CDK20: variants seen among roughly 807,000 people sequenced by gnomAD.
CDK20 encodes cyclin-dependent kinase 20.
In CDK20, 40 loss-of-function variants were observed where a neutral mutation model predicts 38.6. The observed-to-expected ratio is 1.04, with a 90% CI of 0.81 to 1.35. CDK20 has a LOEUF of 1.35. Among genes scored for constraint, CDK20 ranks in the 40% most tolerant of loss-of-function variants. The pLI is 0.00. For synonymous variants in CDK20, 209 were observed against 185.7 expected, an observed-to-expected ratio of 1.13 and a Z score of -1.02; for missense variants, 512 against 452.6, an observed-to-expected ratio of 1.13 and a Z score of -1.19.
At chr9:87,968,168 C>T (rs572409697) in intron 7 of CDK20, 13 of 153,526 alleles carry the variant, frequency 8.5e-5, no homozygotes, top group Non-Finnish European at 1.3e-4. Context: ...CCCAAGCATA[C>T]GACATCTGTG....
In CDK20 at chr9:87,970,614, C is replaced by CG; in HGVS notation, c.516dup (p.Glu173ArgfsTer10). 2 of 1,613,988 alleles carry CG rather than the reference C, an allele frequency of 1.2e-6. No homozygotes were observed. Among genetic ancestry groups the CG allele is most frequent in the Non-Finnish European group, 1.7e-6 (2 of 1,179,984 alleles). On this transcript the variant is annotated frameshift_variant, in exon 5 of 8. Transcript: ENST00000325303. LOFTEE classifies it high-confidence loss of function. ...TACTGGCGGGCACCATACAGGAGCT[C>CG]GGGGGCTCGGTACCACCTGCGAGGA... is the stretch of plus-strand genomic sequence containing the variant.
At chr9:87,973,793 G>C in intron 2 of CDK20, 129 bp downstream of exon 2, 1 of 919,952 alleles carries the variant, frequency 1.1e-6, no homozygotes, top group Non-Finnish European at 1.7e-6. Context: ...TGAATGAGCA[G>C]TGTGTGTGAG....
intron 2 of CDK20, among the ~76,000 whole-genome samples, chr9:87,973,700 GTGAA>G (rs1830022458): frequency 3.3e-5 from 5 of 152,194 alleles, no homozygotes; most frequent in Admixed American, 2.0e-4. Flanking sequence ...GCAAATGAGA[GTGAA>G]TGTGTGAGAA....
intron 7 of CDK20, chr9:87,968,876 C>G (rs778057912): frequency 1.9e-5 from 7 of 373,250 alleles, no homozygotes; most frequent in East Asian, 9.8e-5. Context: ...CAGTGACTCT[C>G]TTACTGTATC....
Position 87,969,332 on chromosome 9 carries a change from C to T in CDK20, c.705G>A (p.Pro235=), listed in dbSNP as rs761881944. 5.3e-5 allele frequency: 86 copies of T among 1,613,778 alleles called. No individual in the cohort carries two copies. The highest frequency in any genetic ancestry group is 1.6e-4 in the Middle Eastern group (1 of 6,080). ...PQVWPELTEL[P]DYNKISFKEQ... is the part of the protein sequence containing the mutation. ...CCTTAAAGGAGATCTTGTTGTAGTC[C>T]GGCAGCTCAGTGAGCTCCTGGGCCA... is the stretch of plus-strand genomic sequence containing the variant. The change falls in exon 7 of 8, where the codon CCG becomes CCA. Residue 235 remains proline, a synonymous_variant. Coordinates refer to ENST00000325303, the MANE Select transcript of CDK20 (RefSeq NM_001039803.3).
chr9:87,969,573 G>C, intron 6 of CDK20: 1 of 773,282 alleles, frequency 1.3e-6, no homozygotes. Context: ...CTGAGACACT[G>C]CACATGTGTG....
intron 7 of CDK20, 185 bp downstream of exon 7, chr9:87,969,009 C>T (rs28364965): frequency 6.4e-5 from 42 of 653,020 alleles, no homozygotes; most frequent in East Asian, 4.5e-4. Context: ...GTGGGGTCTA[C>T]TCATGAGAGG....
rs1374267547 is a variant in CDK20 at position 87,971,211 on chromosome 9, T to C, written c.314A>G (p.Lys105Arg). 6.8e-6 allele frequency: 11 copies of C among 1,614,090 alleles called. No individual in the cohort carries two copies. The highest frequency in any genetic ancestry group is 5.9e-6 in the Non-Finnish European group (7 of 1,180,052). ...CTTGAGCAGCATCTGCAGGTAGCTC[T>C]TGACCTGTGCCTGGGCTAGTGGCCT... is the stretch of plus-strand genomic sequence containing the variant. ...AQRPLAQAQVKSYLQMLLKGV... is the reference protein window; with the variant it reads ...AQRPLAQAQVRSYLQMLLKGV... The change falls in exon 3 of 8, where the codon AAG becomes AGG. Residue 105 changes from lysine (K) to arginine (R), a missense_variant. Transcript: ENST00000325303.
At position 87,969,346 on chromosome 9, in the gene CDK20, GCTC is replaced by G. The variant is rs1177824791; in HGVS notation, c.688_690del (p.Glu230del). The G allele has an allele frequency of 3.7e-6, 6 of 1,613,752 alleles. No homozygotes were observed. The highest frequency in any genetic ancestry group is 5.1e-6 in the Non-Finnish European group (6 of 1,179,912). On this transcript the variant is annotated inframe_deletion and splice_region_variant, in exon 7 of 8. Coordinates refer to ENST00000325303, the MANE Select transcript of CDK20 (RefSeq NM_001039803.3). The stretch of plus-strand genomic sequence containing the variant: ...TTGTTGTAGTCCGGCAGCTCAGTGA[GCTC>G]CTGGGCCAGGGAGAAGGAACAGGGT...
At position 87,972,205 on chromosome 9, in the gene CDK20, A is replaced by T. The variant is rs1041496332; in HGVS notation, c.190-870T>A. Among the ~76,000 whole-genome samples the T allele has an allele frequency of 3.9e-5, 6 of 152,006 alleles. No homozygotes were observed. The South Asian group carries it at 6.2e-4, about 16-fold the overall frequency. On this transcript the variant is annotated intron_variant, in intron 2 of 7. Transcript: ENST00000325303. ...GGGTGACAGAGTGAGACCCTGTATCAAAAAAAGAAAAAAAATCAACAGAAC... is the reference window on the plus strand; with the variant it reads ...GGGTGACAGAGTGAGACCCTGTATCTAAAAAAGAAAAAAAATCAACAGAAC...
At chr9:87,969,459 C>T (rs1195993632) in intron 6 of CDK20, 110 bp from the exon 7 acceptor site, 2 of 1,186,298 alleles carry the variant, frequency 1.7e-6, no homozygotes, top group Admixed American at 2.0e-5. Context: ...GGGGTGCTCT[C>T]CCATCCATGT....
rs1181304310 is a variant in CDK20 at position 87,966,488 on chromosome 9, T to C, written c.*974A>G. The C allele has an allele frequency of 1.9e-5, 3 of 154,262 alleles. No homozygotes were observed. The highest frequency in any genetic ancestry group is 4.3e-5 in the Non-Finnish European group (3 of 69,400). 9.6% of individuals were successfully genotyped at this position (154,262 alleles called of 1,614,324 possible). On this transcript the variant is annotated 3_prime_UTR_variant, in exon 8 of 8. Transcript: ENST00000325303. ...ATACTCTTTATTATTATACAAACTT[T>C]TAAATATTGGTATCTGATACCGTAA... is the stretch of plus-strand genomic sequence containing the variant.
rs199935579 is a variant in CDK20, at chr9:87,971,258, G to A, written c.267C>T (p.Ala89=). 32 of 1,614,046 alleles carry A rather than the reference G, an allele frequency of 2.0e-5. No homozygotes were observed. Among genetic ancestry groups the A allele is most frequent in the African/African-American group, 1.2e-4 (9 of 75,028 alleles). The part of the protein sequence containing the change: ...LAFEFMLSDL[A]EVVRHAQRPL... ...GCCTCTGGGCATGGCGCACCACCTC[G>A]GCCAGATCCGACAGCATGAACTCAA... Residue 89 remains alanine, a synonymous_variant, in exon 3 of 8, where the codon GCC becomes GCT. Coordinates refer to ENST00000325303, the MANE Select transcript of CDK20 (RefSeq NM_001039803.3).
rs143795870 is a variant in CDK20, at chr9:87,974,129, C to T, written c.76-94G>A. The T allele has an allele frequency of 1.3e-5, 21 of 1,589,290 alleles. No individual in the cohort carries two copies. In the African/African-American group the frequency reaches 2.5e-4, roughly 19 times the overall value. On this transcript the variant is annotated intron_variant, in intron 1 of 7. Transcript: ENST00000325303. ...GGAAGGTGGTTGAGAGAGAGACACG[C>T]GCCCCCGGCTCGGCCAGAGGCCCTC... is the stretch of plus-strand genomic sequence containing the variant.
At chr9:87,969,739 C>G in intron 6 of CDK20, 57 bp downstream of exon 6, 1 of 1,608,964 alleles carries the variant, frequency 6.2e-7, no homozygotes, top group Non-Finnish European at 8.5e-7. Flanking sequence ...TGGTTACTTG[C>G]TGTTGGGAGT....
chr9:87,974,153 T>C, intron 1 of CDK20, 118 bp from the exon 2 acceptor site: 1 of 1,530,262 alleles, frequency 6.5e-7, no homozygotes, highest in Non-Finnish European at 8.8e-7. Flanking sequence ...CCAGAGGCCC[T>C]CCTCGGGGGT....
At chr9:87,971,055 C>T (rs960356414) in intron 3 of CDK20, 92 bp downstream of exon 3, 70 of 1,515,182 alleles carry the variant, frequency 4.6e-5, no homozygotes, top group East Asian at 6.9e-5. Flanking sequence ...AGCTCTGTCC[C>T]AACTTCTTAT....
In CDK20 at chr9:87,967,437, G is replaced by A. The variant is rs1243534817; in HGVS notation, c.*25C>T. The A allele has an allele frequency of 6.4e-7, 1 of 1,551,484 alleles. No individual in the cohort carries two copies. Among genetic ancestry groups the A allele is most frequent in the Non-Finnish European group, 8.7e-7 (1 of 1,146,646 alleles). On this transcript the variant is annotated 3_prime_UTR_variant, in exon 8 of 8. Coordinates refer to ENST00000325303, the MANE Select transcript of CDK20 (RefSeq NM_001039803.3). Reference sequence around the variant, plus strand: ...GTGGACTGAGTGGTCCTGAGGAGCAGGCAGACGGGACCAGGGCCAACTTCT... The same window carrying A: ...GTGGACTGAGTGGTCCTGAGGAGCAAGCAGACGGGACCAGGGCCAACTTCT...
At position 87,971,351 on chromosome 9, in the gene CDK20, C is replaced by A; in HGVS notation, c.190-16G>T. 6.3e-7 allele frequency: 1 copy of A among 1,599,860 alleles called. No individual in the cohort carries two copies. ...GTTGTACCACCTGTGGGCAGGACAT[C>A]TTGTTAGCCCCCAGACTCAAGTCAC... On this transcript the variant is annotated splice_polypyrimidine_tract_variant and intron_variant, in intron 2 of 7. Transcript: ENST00000325303.
Sources: gnomAD v4.1 joint callset for allele counts (sites outside exome capture counted in the v4.1 genomes callset) on GRCh38, gnomAD v4.1.1 for gene constraint, MANE v1.5 for transcripts, NCBI Gene and HGNC (gene_info 2026-07-23, HGNC 2026-07-21) for gene names.